Variants in CPLANE1 observed in about 807,000 individuals in gnomAD.
CPLANE1 encodes ciliogenesis and planar polarity effector 1.
A neutral mutation model predicts 362.5 loss-of-function variants in CPLANE1; 263 were observed. The ratio of observed to expected loss-of-function variants is 0.73; its 90% CI spans 0.66 to 0.80. The LOEUF is 0.80. Among genes scored for constraint, CPLANE1 ranks in the 30% least tolerant of loss-of-function variants. The pLI is 0.00. For synonymous variants in CPLANE1, 1,212 were observed against 1,302.6 expected (o/e 0.93, Z 1.50); for missense variants, 3,461 against 3,793.4 (o/e 0.91, Z 2.30).
chr5:37,154,459 C>CTTTTTTT lies in CPLANE1; in HGVS notation c.8120-473_8120-467dup, dbSNP rs35522666. Among the ~76,000 whole-genome samples the CTTTTTTT allele has an allele frequency of 5.6e-4, 47 of 84,570 alleles. 5 individuals are homozygous for CTTTTTTT. The highest frequency in any genetic ancestry group is 2.6e-3 in the African/African-American group (46 of 17,640). The allele number at this position is 84,570 out of a possible 152,430, so 55.5% of individuals were successfully genotyped here. A position where few individuals can be genotyped will look rare whatever the true frequency, so the allele number is the denominator to read the frequency against. On this transcript the variant is annotated intron_variant, in intron 41 of 52. Coordinates refer to ENST00000651892, the MANE Select transcript of CPLANE1 (RefSeq NM_001384732.1). ...TTCTTCTCCCAAATTTGCAATAGTTCTTTTTTTTTTTTTTTTTTTTTTTTA... is the reference window on the plus strand; with the variant it reads ...TTCTTCTCCCAAATTTGCAATAGTTCTTTTTTTTTTTTTTTTTTTTTTTTTTTTTTTA...
At chr5:37,150,251 T>C (rs1343890711) in intron 42 of CPLANE1, among the ~76,000 whole-genome samples, 1 of 152,174 alleles carries the variant, frequency 6.6e-6, no homozygotes, top group East Asian at 1.9e-4. Flanking sequence ...TTCAGACTGT[T>C]CTCAAGTCTT....
At chr5:37,169,882 A>C (rs969600147) in intron 33 of CPLANE1, among the ~76,000 whole-genome samples, 159 bp downstream of exon 33, 1 of 152,030 alleles carries the variant, frequency 6.6e-6, no homozygotes, top group African/African-American at 2.4e-5. Flanking sequence ...ATGCGCCACC[A>C]CACCCGGCTG....
At chr5:37,192,634 G>A (rs1460683966) in intron 21 of CPLANE1, among the ~76,000 whole-genome samples, 1 of 152,088 alleles carries the variant, frequency 6.6e-6, no homozygotes, top group South Asian at 2.1e-4. Context: ...GGAGGCCAAG[G>A]CGGGCAGATC....
Position 37,239,799 on chromosome 5 carries a change from A to ATTCACATT in CPLANE1, c.740_747dup (p.Ser250AsnfsTer5). On this transcript the variant is annotated frameshift_variant, in exon 7 of 53. Coordinates refer to ENST00000651892, the MANE Select transcript of CPLANE1 (RefSeq NM_001384732.1). ...ATTAGAGCTCCTCTTGACTTTACTG[A>ATTCACATT]TTCACATTTAGGAATTAAACTACAG... The ATTCACATT allele has an allele frequency of 6.5e-7, 1 of 1,547,094 alleles. No individual in the cohort carries two copies. Among genetic ancestry groups the ATTCACATT allele is most frequent in the Non-Finnish European group, 8.7e-7 (1 of 1,144,298 alleles).
the CPLANE1 span, among the ~76,000 whole-genome samples, chr5:37,100,609 T>C: frequency 2.6e-5 from 4 of 152,356 alleles, no homozygotes; most frequent in African/African-American, 9.6e-5. Flanking sequence ...GTTCTTGTTG[T>C]TCCATATGAA....
chr5:37,231,577 G>T (rs912037820), intron 8 of CPLANE1, among the ~76,000 whole-genome samples: 3 of 151,980 alleles, frequency 2.0e-5, no homozygotes, highest in Non-Finnish European at 4.4e-5. Flanking sequence ...TATTCCTAAA[G>T]AACTGAGTTT....
the CPLANE1 span, among the ~76,000 whole-genome samples, chr5:37,076,223 T>TA: frequency 6.7e-6 from 1 of 149,572 alleles, no homozygotes; most frequent in Non-Finnish European, 1.5e-5. Flanking sequence ...CACTGCACTC[T>TA]AGCCTAGGTG....
intron 50 of CPLANE1, among the ~76,000 whole-genome samples, chr5:37,115,282 G>A (rs1760604061): frequency 4.6e-5 from 7 of 152,156 alleles, no homozygotes; most frequent in Admixed American, 4.6e-4. Context: ...TTCAAGCACA[G>A]CCATACTCTT....
chr5:37,191,356 A>G lies in CPLANE1; in HGVS notation c.3812-3514T>C, dbSNP rs115584355. ...AGACCAGCGTGAGCAACATAGTAAG[A>G]CCATGTCTCTATTTTACAAATAAAA... On this transcript the variant is annotated intron_variant, in intron 21 of 52. Coordinates refer to ENST00000651892, the MANE Select transcript of CPLANE1 (RefSeq NM_001384732.1). Among the ~76,000 whole-genome samples the G allele has an allele frequency of 2.1e-3, 321 of 151,926 alleles. 2 individuals carry two copies. Among genetic ancestry groups the G allele is most frequent in the African/African-American group, 7.6e-3 (315 of 41,442 alleles).
the CPLANE1 span, among the ~76,000 whole-genome samples, chr5:37,097,173 A>AC: frequency 1.3e-5 from 2 of 152,184 alleles, no homozygotes; most frequent in East Asian, 3.9e-4. Context: ...ACATAGCAAG[A>AC]CCCCATCTCG....
intron 16 of CPLANE1, chr5:37,210,105 G>C: frequency 3.5e-6 from 3 of 850,332 alleles, no homozygotes; most frequent in African/African-American, 1.7e-5. Context: ...GTTCCAGAAT[G>C]ATTTTGAGAA....
At chr5:37,231,623 T>C (rs1009292591) in intron 8 of CPLANE1, among the ~76,000 whole-genome samples, 2 of 152,104 alleles carry the variant, frequency 1.3e-5, no homozygotes, top group Admixed American at 6.6e-5. Flanking sequence ...ATTTTAATCC[T>C]AGTAGAGTCT....
intron 8 of CPLANE1, among the ~76,000 whole-genome samples, chr5:37,235,870 CTTT>C (rs748794675): frequency 1.7e-5 from 2 of 119,380 alleles, no homozygotes; most frequent in Non-Finnish European, 1.7e-5. Context: ...GTGCCCAGCA[CTTT>C]TTTTTTTTTT....
At chr5:37,133,243 TG>T (rs769883571) in intron 46 of CPLANE1, among the ~76,000 whole-genome samples, 11 of 152,224 alleles carry the variant, frequency 7.2e-5, no homozygotes, top group Non-Finnish European at 1.3e-4. Flanking sequence ...AGGATTGCTT[TG>T]GCCATTTGGA....
intron 47 of CPLANE1, among the ~76,000 whole-genome samples, chr5:37,122,733 G>A (rs2150103711): frequency 6.6e-6 from 1 of 152,200 alleles, no homozygotes; most frequent in South Asian, 2.1e-4. Flanking sequence ...GGCCAACATG[G>A]TGAAACCTCG....
rs140904773 is a variant in CPLANE1 at position 37,111,397 on chromosome 5, T to A, written c.9401-2926A>T. ...CCTCGGCCTCCCAAAGTGCTGGGAT[T>A]GTACAGGCGTGAGCCACCGTGCCCG... On this transcript the variant is annotated intron_variant, in intron 51 of 52. Coordinates refer to ENST00000651892, the MANE Select transcript of CPLANE1 (RefSeq NM_001384732.1). Among the ~76,000 whole-genome samples the A allele has an allele frequency of 4.8e-3, 718 of 149,788 alleles. 8 individuals carry two copies. Among genetic ancestry groups the A allele is most frequent in the African/African-American group, 0.017 (681 of 40,716 alleles).
intron 35 of CPLANE1, 34 bp downstream of exon 35, chr5:37,167,013 G>T (rs910148063): frequency 4.0e-6 from 6 of 1,508,276 alleles, no homozygotes; most frequent in South Asian, 1.2e-5. Context: ...GCTGATATAT[G>T]ATATTATCAA....
the CPLANE1 span, among the ~76,000 whole-genome samples, chr5:37,098,189 C>T: frequency 5.9e-5 from 9 of 151,704 alleles, no homozygotes; most frequent in South Asian, 2.1e-4. Context: ...ATCAGGAGTT[C>T]GAGACCAGCC....
intron 46 of CPLANE1, among the ~76,000 whole-genome samples, chr5:37,135,045 A>G (rs1385791819): frequency 6.6e-6 from 1 of 152,070 alleles, no homozygotes; most frequent in Admixed American, 6.6e-5. Context: ...CACCTGCCTC[A>G]GCCTCCCAAA....
Sources: gnomAD v4.1 joint callset for allele counts (sites outside exome capture counted in the v4.1 genomes callset) on GRCh38, gnomAD v4.1.1 for gene constraint, MANE v1.5 for transcripts, NCBI Gene and HGNC (gene_info 2026-07-23, HGNC 2026-07-21) for gene names.